GMDS: variants seen among roughly 807,000 people sequenced by gnomAD.
GMDS encodes the protein GDP-mannose 4,6 dehydratase.
GMDS carries 20 observed loss-of-function variants against 49.9 expected under a neutral mutation model. That is an observed-to-expected ratio of 0.40 (90% CI 0.28 to 0.58). The LOEUF is 0.58. GMDS is among the 20% of genes least tolerant of loss of function. The pLI is 0.42. For synonymous variants in GMDS, 177 were observed against 178.6 expected (o/e 0.99, Z 0.07); for missense variants, 362 against 481.4 (o/e 0.75, Z 2.32).
At chr6:1,816,350 A>G (rs552368067) in intron 7 of GMDS, among the ~76,000 whole-genome samples, 201 of 152,254 alleles carry the variant, frequency 1.3e-3, no homozygotes, top group Non-Finnish European at 2.4e-3. Context: ...GGATTCAGAG[A>G]GCTTATTTAG....
intron 8 of GMDS, among the ~76,000 whole-genome samples, chr6:1,733,907 C>A (rs528047385): frequency 6.6e-6 from 1 of 151,576 alleles, no homozygotes; most frequent in East Asian, 1.9e-4. Flanking sequence ...GCAGCCTGAG[C>A]CTCTTGAGCA....
In GMDS at chr6:1,877,365, C is replaced by G. The variant is rs544475696; in HGVS notation, c.771+52738G>C. On this transcript the variant is annotated intron_variant, in intron 7 of 10. Coordinates refer to ENST00000380815, the MANE Select transcript of GMDS (RefSeq NM_001500.4). ...TACAATTAAGATACATCCAGCAGAG[C>G]ATGGTGGCTCACCTCTGTAATCTCA... is the stretch of plus-strand genomic sequence containing the variant. Among the ~76,000 whole-genome samples the G allele has an allele frequency of 2.1e-3, 318 of 152,112 alleles. 1 individual carries two copies. The highest frequency in any genetic ancestry group is 7.2e-3 in the African/African-American group (299 of 41,498).
At chr6:1,964,219 G>A (rs1764131433) in intron 4 of GMDS, among the ~76,000 whole-genome samples, 1 of 152,182 alleles carries the variant, frequency 6.6e-6, no homozygotes, top group Admixed American at 6.5e-5. Context: ...TTAGGTATAA[G>A]TTCTTATCCC....
At chr6:1,692,796 G>A (rs1269413647) in intron 9 of GMDS, among the ~76,000 whole-genome samples, 1 of 152,098 alleles carries the variant, frequency 6.6e-6, no homozygotes, top group African/African-American at 2.4e-5. Context: ...TACAGAATAA[G>A]GTTCTAAAAA....
intron 1 of GMDS, among the ~76,000 whole-genome samples, chr6:2,201,704 G>A (rs1380553630): frequency 1.7e-5 from 2 of 116,668 alleles, no homozygotes; most frequent in African/African-American, 6.6e-5. Flanking sequence ...ATGGGCATCC[G>A]AGATGAAACC....
chr6:1,705,497 GA>G (rs1373933104), intron 9 of GMDS, among the ~76,000 whole-genome samples: 1 of 152,196 alleles, frequency 6.6e-6, no homozygotes, highest in Non-Finnish European at 1.5e-5. Context: ...AATCAAACGT[GA>G]ATATTCCTTC....
intron 1 of GMDS, among the ~76,000 whole-genome samples, chr6:2,153,867 C>T (rs1319151037): frequency 6.6e-6 from 1 of 152,088 alleles, no homozygotes; most frequent in African/African-American, 2.4e-5. Flanking sequence ...AAAGGCAGAA[C>T]TGTATGCAGA....
chr6:2,146,286 G>T (rs1329102701), intron 1 of GMDS, among the ~76,000 whole-genome samples: 1 of 152,178 alleles, frequency 6.6e-6, no homozygotes, highest in African/African-American at 2.4e-5. Context: ...ACCGCAAGAT[G>T]TAGGATATAC....
At position 1,766,172 on chromosome 6, in the gene GMDS, G is replaced by A. The variant is rs73716374; in HGVS notation, c.772-23586C>T. ...TGTTTAAATGTAATACTCTTTCAGT[G>A]CATCAAGATACCTGATGCCATGATT... On this transcript the variant is annotated intron_variant, in intron 7 of 10. Transcript: ENST00000380815. The surrounding 1 kb of genome is among the most constrained non-coding windows in gnomAD (Gnocchi z 4.5). Among the ~76,000 whole-genome samples the A allele has an allele frequency of 0.026, 3,943 of 152,216 alleles. 176 individuals carry two copies. The highest frequency in any genetic ancestry group is 0.09 in the African/African-American group (3,752 of 41,518).
intron 4 of GMDS, among the ~76,000 whole-genome samples, chr6:2,100,784 ACT>A (rs1444836684): frequency 1.3e-5 from 2 of 152,048 alleles, no homozygotes; most frequent in Admixed American, 6.5e-5. Flanking sequence ...AATTAAGATT[ACT>A]TACAGTGGAA....
chr6:1,694,621 A>G (rs1466094106), intron 9 of GMDS, among the ~76,000 whole-genome samples: 1 of 152,218 alleles, frequency 6.6e-6, no homozygotes, highest in Non-Finnish European at 1.5e-5. Flanking sequence ...GCACACATGT[A>G]TATGCCTAGG....
chr6:1,901,352 C>A (rs1051065712), intron 7 of GMDS, among the ~76,000 whole-genome samples: 1 of 152,086 alleles, frequency 6.6e-6, no homozygotes, highest in Non-Finnish European at 1.5e-5. Context: ...GGCTTGGTAA[C>A]GAGATGTTCT....
intron 7 of GMDS, among the ~76,000 whole-genome samples, chr6:1,791,877 G>C (rs1769557163): frequency 6.6e-6 from 1 of 152,088 alleles, no homozygotes; most frequent in South Asian, 2.1e-4. Context: ...AAATATTGAT[G>C]AGACTGATAA....
At chr6:2,058,137 T>C (rs1350385107) in intron 4 of GMDS, among the ~76,000 whole-genome samples, 2 of 152,032 alleles carry the variant, frequency 1.3e-5, no homozygotes, top group African/African-American at 2.4e-5. Flanking sequence ...GGCAGGCGGA[T>C]CACTTGAGGT....
chr6:1,956,536 C>A (rs1294359439), intron 6 of GMDS, among the ~76,000 whole-genome samples: 1 of 152,072 alleles, frequency 6.6e-6, no homozygotes, highest in Non-Finnish European at 1.5e-5. Context: ...AAAACTGCAT[C>A]AACTTGGGCT....
At chr6:2,135,280 T>C (rs1383370915) in intron 1 of GMDS, among the ~76,000 whole-genome samples, 4 of 152,198 alleles carry the variant, frequency 2.6e-5, no homozygotes, top group African/African-American at 7.2e-5. Flanking sequence ...TCAAAAGCCA[T>C]TGCTTAAACT....
chr6:1,958,636 G>A (rs1027532785), intron 6 of GMDS, among the ~76,000 whole-genome samples: 3 of 152,142 alleles, frequency 2.0e-5, no homozygotes, highest in African/African-American at 7.2e-5. Context: ...ATGTACTGAC[G>A]CTAAAGATTC....
At chr6:2,127,964 C>A (rs1050216656) in intron 1 of GMDS, among the ~76,000 whole-genome samples, 3 of 152,230 alleles carry the variant, frequency 2.0e-5, no homozygotes, top group African/African-American at 7.2e-5. Context: ...GTAACTCATT[C>A]AGTATGAACA....
At chr6:1,951,350 G>C (rs530408646) in intron 6 of GMDS, among the ~76,000 whole-genome samples, 1 of 152,254 alleles carries the variant, frequency 6.6e-6, no homozygotes, top group South Asian at 2.1e-4. Flanking sequence ...AAAAATGCCA[G>C]ATTCTTTCAG....
Sources: allele counts gnomAD v4.1 joint callset (sites outside exome capture counted in the v4.1 genomes callset), GRCh38; gene constraint gnomAD v4.1.1; non-coding constraint Gnocchi (gnomAD v3.1); transcripts MANE v1.5; gene names NCBI Gene and HGNC (gene_info 2026-07-23, HGNC 2026-07-21).